Variants in MAD1L1 observed in about 807,000 individuals in gnomAD.
MAD1L1 encodes mitotic spindle assembly checkpoint protein MAD1.
MAD1L1 carries 95 observed loss-of-function variants against 96.9 expected under a neutral mutation model. The ratio of observed to expected loss-of-function variants is 0.98; its 90% confidence interval spans 0.83 to 1.16. The LOEUF is 1.16. MAD1L1 is among the 50% of genes most tolerant of loss of function. The pLI, the probability that MAD1L1 is intolerant of heterozygous loss-of-function variation, is 0.00. For missense variants in MAD1L1, 1,007 were observed against 954.4 expected (o/e 1.06, Z -0.73); for synonymous variants, 473 against 396.6 (o/e 1.19, Z -2.29).
At chr7:2,046,011 G>C (rs1423036957) in intron 12 of MAD1L1, among the ~76,000 whole-genome samples, 1 of 152,190 alleles carries the variant, frequency 6.6e-6, no homozygotes, top group East Asian at 1.9e-4. Context: ...TGGAGGCCCT[G>C]TAAGGGAAGG....
chr7:2,119,326 C>T lies in MAD1L1; in HGVS notation c.1073+29826G>A, dbSNP rs1279507383. The stretch of plus-strand genomic sequence containing the variant: ...GGCCATGGCTCTCCGCAGCGCCTTC[C>T]CTATCGCATCTCCATCACCCACCCT... On this transcript the variant is annotated intron_variant, in intron 11 of 18. Transcript: ENST00000265854. The surrounding 1 kb of genome is among the most constrained non-coding windows in gnomAD (Gnocchi z 4.6). Among the ~76,000 whole-genome samples, 1 of 152,194 alleles carries T rather than the reference C, an allele frequency of 6.6e-6. No homozygotes were observed. The highest frequency in any genetic ancestry group is 1.5e-5 in the Non-Finnish European group (1 of 68,030).
chr7:1,903,075 T>C (rs1219319187), intron 17 of MAD1L1, among the ~76,000 whole-genome samples: 1 of 150,160 alleles, frequency 6.7e-6, no homozygotes, highest in Non-Finnish European at 1.5e-5. Flanking sequence ...GTGGAATTCA[T>C]GATTAATGAA....
chr7:1,939,098 C>G (rs1328357886), intron 16 of MAD1L1, among the ~76,000 whole-genome samples: 1 of 138,956 alleles, frequency 7.2e-6, no homozygotes, highest in African/African-American at 2.7e-5. Flanking sequence ...CGCACACACA[C>G]ACGGGCCAGG....
At chr7:1,988,423 C>A (rs1352709632) in intron 14 of MAD1L1, among the ~76,000 whole-genome samples, 2 of 152,290 alleles carry the variant, frequency 1.3e-5, no homozygotes, top group East Asian at 3.9e-4. Flanking sequence ...AAGACTTCAG[C>A]GCAGACAGAT....
rs140162111 is a variant in MAD1L1 at position 2,007,196 on chromosome 7, G to A, written c.1360-5075C>T. Among the ~76,000 whole-genome samples, 249 of 152,334 alleles carry A rather than the reference G, an allele frequency of 1.6e-3. 1 individual carries two copies. Among genetic ancestry groups the A allele is most frequent in the African/African-American group, 5.6e-3 (234 of 41,584 alleles). ...GAGAAGCACGGGAAACGCTGGGCAC[G>A]TCAGTCACTGGAGACACACAGATTG... On this transcript the variant is annotated intron_variant, in intron 13 of 18. Transcript: ENST00000265854.
At chr7:2,204,940 G>C (rs961586558) in intron 10 of MAD1L1, among the ~76,000 whole-genome samples, 1 of 152,190 alleles carries the variant, frequency 6.6e-6, no homozygotes, top group Non-Finnish European at 1.5e-5. Flanking sequence ...CAGTCAGGAT[G>C]GTCAGTCTGC....
At chr7:2,199,884 C>G (rs1479933808) in intron 10 of MAD1L1, among the ~76,000 whole-genome samples, 1 of 152,280 alleles carries the variant, frequency 6.6e-6, no homozygotes, top group Non-Finnish European at 1.5e-5. Context: ...TCCAGGTCAG[C>G]TGGACCAGTC....
At chr7:2,081,981 T>A (rs3800888) in intron 11 of MAD1L1, among the ~76,000 whole-genome samples, 2 of 151,960 alleles carry the variant, frequency 1.3e-5, no homozygotes, top group Non-Finnish European at 2.9e-5. Context: ...AATCTGATCA[T>A]GGAGATTAGG....
chr7:1,972,736 A>C (rs1310011261), intron 15 of MAD1L1, among the ~76,000 whole-genome samples: 2 of 151,484 alleles, frequency 1.3e-5, no homozygotes, highest in Non-Finnish European at 2.9e-5. Context: ...TCCTTTCTCC[A>C]GGTTATTGAG....
intron 18 of MAD1L1, chr7:1,845,188 C>T (rs1407013888): frequency 6.6e-6 from 1 of 152,302 alleles, no homozygotes; most frequent in Admixed American, 6.5e-5. Context: ...CTGCTGGGCT[C>T]AGGGTGGGGA....
chr7:2,056,875 G>T (rs935867716), intron 12 of MAD1L1, among the ~76,000 whole-genome samples: 1 of 152,170 alleles, frequency 6.6e-6, no homozygotes, highest in Non-Finnish European at 1.5e-5. Flanking sequence ...GCATTGCCAC[G>T]GGGAAGCCGG....
At chr7:2,210,301 G>C (rs190486933) in intron 10 of MAD1L1, among the ~76,000 whole-genome samples, 1 of 152,072 alleles carries the variant, frequency 6.6e-6, no homozygotes, top group African/African-American at 2.4e-5. Context: ...AAACATCTAG[G>C]CTCGAGCAAT....
chr7:1,855,144 C>T (rs575961971), intron 18 of MAD1L1, among the ~76,000 whole-genome samples: 12 of 152,296 alleles, frequency 7.9e-5, no homozygotes, highest in African/African-American at 2.6e-4. Flanking sequence ...CTCTGTGGTC[C>T]TGTCATGTCA....
intron 18 of MAD1L1, among the ~76,000 whole-genome samples, chr7:1,844,539 C>G (rs988013614): frequency 6.6e-6 from 1 of 152,160 alleles, no homozygotes; most frequent in Non-Finnish European, 1.5e-5. Flanking sequence ...CAGGGAGAGG[C>G]GCAGGCAGGG....
chr7:1,857,781 C>T (rs534385183), intron 18 of MAD1L1, among the ~76,000 whole-genome samples: 2 of 152,236 alleles, frequency 1.3e-5, no homozygotes, highest in South Asian at 2.1e-4. Flanking sequence ...GCTAGGCCAG[C>T]ACGACGCCCC....
chr7:2,230,736 G>A lies in MAD1L1; in HGVS notation c.-189-9C>T, dbSNP rs983022553. On this transcript the variant is annotated splice_polypyrimidine_tract_variant and intron_variant, in intron 1 of 18. Coordinates refer to ENST00000265854, the MANE Select transcript of MAD1L1 (RefSeq NM_001013836.2). ...GCGAGCTTGGAGTGCTGCTGTTGAG[G>A]AGAGGAGAGGAAGAGTGTATCCCAG... 3 of 153,560 alleles carry A rather than the reference G, an allele frequency of 2.0e-5. No homozygotes were observed. The highest frequency in any genetic ancestry group is 4.8e-5 in the African/African-American group (2 of 41,460). 9.5% of individuals were successfully genotyped at this position (153,560 alleles called of 1,614,324 possible).
At chr7:2,171,166 G>C (rs557584371) in intron 10 of MAD1L1, among the ~76,000 whole-genome samples, 72 of 152,352 alleles carry the variant, frequency 4.7e-4, no homozygotes, top group African/African-American at 1.6e-3. Flanking sequence ...CTAATAATCT[G>C]CTGAAGAGAA....
chr7:1,903,968 C>T (rs373310057), intron 17 of MAD1L1, among the ~76,000 whole-genome samples: 16 of 114,768 alleles, frequency 1.4e-4, no homozygotes, highest in African/African-American at 1.9e-4. Flanking sequence ...TCTTGCGGAA[C>T]TCATGATTGA....
intron 12 of MAD1L1, among the ~76,000 whole-genome samples, chr7:2,044,830 G>A (rs945049023): frequency 2.0e-4 from 30 of 152,270 alleles, no homozygotes; most frequent in African/African-American, 5.3e-4. Flanking sequence ...CCCCCGGGGC[G>A]TGGACACCCT....
Sources: gnomAD v4.1 joint callset for allele counts (sites outside exome capture counted in the v4.1 genomes callset) on GRCh38, gnomAD v4.1.1 for gene constraint, Gnocchi (gnomAD v3.1) non-coding constraint, MANE v1.5 for transcripts, NCBI Gene and HGNC (gene_info 2026-07-23, HGNC 2026-07-21) for gene names.